STX8: variants seen among roughly 807,000 people sequenced by gnomAD.
STX8 encodes the protein syntaxin 8.
STX8 carries 23 observed loss-of-function variants against 37.5 expected under a neutral mutation model. The ratio of observed to expected loss-of-function variants is 0.61; its 90% confidence interval spans 0.44 to 0.87. The LOEUF (loss-of-function observed/expected upper bound fraction) is 0.87. STX8 is among the 40% of genes least tolerant of loss of function. The pLI, the probability that STX8 is intolerant of heterozygous loss-of-function variation, is 0.00. For missense variants in STX8, 313 were observed against 284.7 expected, an observed-to-expected ratio of 1.10 and a Z score of -0.71; for synonymous variants, 115 against 99.1, an observed-to-expected ratio of 1.16 and a Z score of -0.95.
chr17:9,353,460 C>T (rs1187454504), intron 7 of STX8, among the ~76,000 whole-genome samples: 1 of 152,156 alleles, frequency 6.6e-6, no homozygotes, highest in Non-Finnish European at 1.5e-5. Flanking sequence ...TTAAAGTGGG[C>T]AATGTATTTA....
At position 9,538,568 on chromosome 17, in the gene STX8, G is replaced by C. The variant is rs972492517; in HGVS notation, c.323+6604C>G. 3.9e-5 allele frequency among the ~76,000 whole-genome samples: 6 copies of C among 152,194 alleles called. No homozygotes were observed. In the South Asian group the frequency reaches 1.2e-3, roughly 31 times the overall value. ...ACATTGGAAATATCATGTTTTGTCAGTAGTGCAAGAGAAAAGCCTATCTCT... is the reference window on the plus strand; with the variant it reads ...ACATTGGAAATATCATGTTTTGTCACTAGTGCAAGAGAAAAGCCTATCTCT... On this transcript the variant is annotated intron_variant, in intron 4 of 7. Transcript: ENST00000306357.
At chr17:9,449,499 T>C (rs181421418) in intron 6 of STX8, among the ~76,000 whole-genome samples, 1 of 152,226 alleles carries the variant, frequency 6.6e-6, no homozygotes, top group African/African-American at 2.4e-5. Context: ...GGACGGAGCC[T>C]GCAGTGAGCC....
intron 6 of STX8, among the ~76,000 whole-genome samples, chr17:9,408,392 T>C (rs1912869302): frequency 6.6e-6 from 1 of 151,986 alleles, no homozygotes; most frequent in Non-Finnish European, 1.5e-5. Flanking sequence ...AGTGAGGGAG[T>C]CATGAACATC....
At chr17:9,355,256 A>G (rs1910837349) in intron 7 of STX8, among the ~76,000 whole-genome samples, 1 of 150,072 alleles carries the variant, frequency 6.7e-6, no homozygotes, top group South Asian at 2.1e-4. Flanking sequence ...TCATTGTGGC[A>G]TTCCTACTCT....
At chr17:9,341,960 A>C (rs1910374848) in intron 7 of STX8, among the ~76,000 whole-genome samples, 1 of 152,168 alleles carries the variant, frequency 6.6e-6, no homozygotes, top group Non-Finnish European at 1.5e-5. Flanking sequence ...TCCAGAGCCA[A>C]GGACTGTGGG....
rs1567754071 is a variant in STX8 at position 9,250,483 on chromosome 17, G to A, written c.*95C>T. ...AATGCACAAGAGGTCAGAGCTTTGG[G>A]GGAATTTATTGAGAGCAGGTTTTGC... On this transcript the variant is annotated 3_prime_UTR_variant, in exon 8 of 8. Coordinates refer to ENST00000306357, the MANE Select transcript of STX8 (RefSeq NM_004853.3). The A allele has an allele frequency of 1.7e-6, 2 of 1,175,028 alleles. No homozygotes were observed. The highest frequency in any genetic ancestry group is 1.2e-6 in the Non-Finnish European group (1 of 807,026). 72.8% of individuals were successfully genotyped at this position (1,175,028 alleles called of 1,614,324 possible). A position where few individuals can be genotyped will look rare whatever the true frequency, so the allele number is the denominator to read the frequency against.
Position 9,250,602 on chromosome 17 carries a change from A to C in STX8, c.687T>G (p.Val229=). The change falls in exon 8 of 8, where the codon GTT becomes GTG. Residue 229 remains valine, a synonymous_variant. Transcript: ENST00000306357. The part of the protein sequence containing the change: ...VILLLLVAIV[V]VAVWPTN The stretch of plus-strand genomic sequence containing the variant: ...ATCAGTTGGTCGGCCAGACTGCAAC[A>C]ACCACGATAGCCACAAGCAGCAGTA... 1 of 1,599,556 alleles carries C rather than the reference A, an allele frequency of 6.3e-7. No individual in the cohort carries two copies. The highest frequency in any genetic ancestry group is 8.5e-7 in the Non-Finnish European group (1 of 1,173,424).
chr17:9,306,595 C>CA (rs71135963), intron 7 of STX8, among the ~76,000 whole-genome samples: 5,193 of 69,878 alleles, frequency 0.074, 170 homozygotes, highest in Admixed American at 0.13. Context: ...ACTAAAAATA[C>CA]AAAAAAAAAA....
At chr17:9,389,036 TTTCCTCCATTATCATTGG>T (rs1912115713) in intron 6 of STX8, among the ~76,000 whole-genome samples, 2 of 152,252 alleles carry the variant, frequency 1.3e-5, no homozygotes, top group African/African-American at 4.8e-5. Context: ...CTATAAATTC[TTTCCTCCATTATCATTGG>T]TTCTTTTTAA....
intron 6 of STX8, among the ~76,000 whole-genome samples, chr17:9,394,643 G>T (rs1199547525): frequency 6.6e-6 from 1 of 151,744 alleles, no homozygotes; most frequent in Non-Finnish European, 1.5e-5. Flanking sequence ...GGGATTACAG[G>T]CGTGAGCCAC....
chr17:9,468,986 C>T (rs983033585), intron 6 of STX8: 4 of 152,274 alleles, frequency 2.6e-5, no homozygotes, highest in Non-Finnish European at 5.9e-5. Context: ...CAACCCGTGC[C>T]TCAATGCCTC....
chr17:9,485,499 CAAT>C (rs930808816), intron 6 of STX8, among the ~76,000 whole-genome samples: 57 of 152,002 alleles, frequency 3.7e-4, no homozygotes, highest in African/African-American at 1.3e-3. Context: ...GAAAGAAAAA[CAAT>C]AAGTAAACTA....
rs564886715 is a variant in STX8 at position 9,545,958 on chromosome 17, T to C, written c.213-676A>G. On this transcript the variant is annotated intron_variant, in intron 3 of 7. Coordinates refer to ENST00000306357, the MANE Select transcript of STX8 (RefSeq NM_004853.3). ...GTGATTCCTTAGGTTTTGAGTTATA[T>C]GTGTGTGTCAGTGTTCCAGGGCATT... 4.3e-3 allele frequency among the ~76,000 whole-genome samples: 660 copies of C among 152,328 alleles called. 5 individuals carry two copies. Among genetic ancestry groups the C allele is most frequent in the African/African-American group, 0.015 (626 of 41,576 alleles).
In STX8 at chr17:9,470,515, G is replaced by C. The variant is rs145158576; in HGVS notation, c.541+21314C>G. Among the ~76,000 whole-genome samples the C allele has an allele frequency of 1.4e-4, 21 of 152,322 alleles. No individual in the cohort carries two copies. The East Asian group carries it at 4.0e-3, about 29-fold the overall frequency. On this transcript the variant is annotated intron_variant, in intron 6 of 7. Coordinates refer to ENST00000306357, the MANE Select transcript of STX8 (RefSeq NM_004853.3). The stretch of plus-strand genomic sequence containing the variant: ...CAGCTAAAGATCTTCAATAATGAAT[G>C]AAACTGTGAAGAGCTACAATTTGTC...
intron 7 of STX8, among the ~76,000 whole-genome samples, chr17:9,355,500 ATT>A (rs35363770): frequency 2.1e-3 from 261 of 124,376 alleles, no homozygotes; most frequent in East Asian, 9.3e-3. Flanking sequence ...ACACCTAGCA[ATT>A]TTTTTTTTTT....
chr17:9,389,362 G>C (rs1005435111), intron 6 of STX8, among the ~76,000 whole-genome samples: 8 of 152,226 alleles, frequency 5.3e-5, no homozygotes, highest in African/African-American at 1.9e-4. Context: ...CCTGACTGTA[G>C]AGCCTCCAAA....
At chr17:9,404,506 G>A (rs928234952) in intron 6 of STX8, among the ~76,000 whole-genome samples, 6 of 151,828 alleles carry the variant, frequency 4.0e-5, no homozygotes, top group African/African-American at 1.5e-4. Context: ...CCACGCTGGA[G>A]TGCAGTGGCG....
chr17:9,376,114 G>A (rs1335509766), intron 7 of STX8, among the ~76,000 whole-genome samples: 1 of 152,168 alleles, frequency 6.6e-6, no homozygotes, highest in Non-Finnish European at 1.5e-5. Flanking sequence ...AACTCATATT[G>A]AGAGGTGAAG....
At chr17:9,521,713 C>T (rs1905343958) in intron 4 of STX8, among the ~76,000 whole-genome samples, 2 of 152,152 alleles carry the variant, frequency 1.3e-5, no homozygotes, top group Non-Finnish European at 2.9e-5. Flanking sequence ...ACTCAAGGGA[C>T]AATAAATGCC....
Sources: allele counts gnomAD v4.1 joint callset (sites outside exome capture counted in the v4.1 genomes callset), GRCh38; gene constraint gnomAD v4.1.1; transcripts MANE v1.5; gene names NCBI Gene and HGNC (gene_info 2026-07-23, HGNC 2026-07-21).